The following EIF4G1 variants were observed in gnomAD, a reference collection of about 807,000 sequenced individuals.
The protein encoded by EIF4G1 is eukaryotic translation initiation factor 4 gamma 1.
Under a neutral mutation model 187.8 loss-of-function variants are expected in EIF4G1, and 4 were observed. The ratio of observed to expected loss-of-function variants is 0.02; its 90% CI spans 0.01 to 0.05. The LOEUF is 0.05. Ranked by LOEUF, EIF4G1 falls within the 10% of genes least tolerant of loss-of-function variation. EIF4G1 has a pLI of 1.00. For synonymous variants in EIF4G1, 844 were observed against 781.4 expected, an observed-to-expected ratio of 1.08 and a Z score of -1.34; for missense variants, 1,647 against 2,081.1, an observed-to-expected ratio of 0.79 and a Z score of 4.06.
chr3:184,331,768 T>C lies in EIF4G1; in HGVS notation c.4436T>C (p.Val1479Ala). ...SEQQIVSNTLVRALMTAVCYS... is the reference protein window; with the variant it reads ...SEQQIVSNTLARALMTAVCYS... ...CAGCAGATAGTATCCAACACGTTAG[T>C]TCGAGCCCTCATGACGGCTGTCTGC... is the stretch of plus-strand genomic sequence containing the variant. The change falls in exon 31 of 33, where the codon GTT (valine) becomes GCT (alanine). Residue 1479 changes from valine to alanine, a missense_variant. Physicochemically the swap from Val to Ala is moderately conservative, Grantham distance 64. Transcript: ENST00000346169. The C allele has an allele frequency of 1.9e-6, 3 of 1,614,176 alleles. No individual in the cohort carries two copies. Among genetic ancestry groups the C allele is most frequent in the Non-Finnish European group, 2.5e-6 (3 of 1,180,032 alleles).
chr3:184,335,055 AG>A lies in EIF4G1; in HGVS notation c.*149del. On this transcript the variant is annotated 3_prime_UTR_variant, in exon 33 of 33. Coordinates refer to ENST00000346169, the MANE Select transcript of EIF4G1 (RefSeq NM_198241.3). ...GAACTAATAAAGTGGCTGAAGAGGC[AG>A]GATGGCTTGGGGCTGCCTGGGCCCC... The A allele has an allele frequency of 8.4e-7, 1 of 1,194,754 alleles. No homozygotes were observed. The highest frequency in any genetic ancestry group is 1.2e-6 in the Non-Finnish European group (1 of 847,952). 74.0% of individuals were successfully genotyped at this position (1,194,754 alleles called of 1,614,324 possible).
intron 7 of EIF4G1, chr3:184,320,418 T>G: frequency 6.8e-7 from 1 of 1,470,542 alleles, no homozygotes; most frequent in Non-Finnish European, 9.0e-7. Context: ...AGGGCTGCTC[T>G]GTGAGATCAA....
In EIF4G1 at chr3:184,326,734, C is replaced by T. The variant is rs9836847; in HGVS notation, c.3325+105C>T. 1.7e-3 allele frequency: 2,574 copies of T among 1,484,096 alleles called. 31 individuals are homozygous for T. In the African/African-American group the frequency reaches 0.03, roughly 17 times the overall value. The allele number at this position is 1,484,096 out of a possible 1,614,324, so 91.9% of individuals were successfully genotyped here. A position where few individuals can be genotyped will look rare whatever the true frequency, so the allele number is the denominator to read the frequency against. On this transcript the variant is annotated intron_variant, in intron 22 of 32. Coordinates refer to ENST00000346169, the MANE Select transcript of EIF4G1 (RefSeq NM_198241.3). Reference sequence around the variant, plus strand: ...TTCAGTACAAGGTGGTTAGGCAATGCGGGCAATAGAGGAGGTTTGTGTTGT... The same window carrying T: ...TTCAGTACAAGGTGGTTAGGCAATGTGGGCAATAGAGGAGGTTTGTGTTGT...
chr3:184,325,176 C>T lies in EIF4G1; in HGVS notation c.2856+62C>T. On this transcript the variant is annotated intron_variant, in intron 18 of 32. Transcript: ENST00000346169. This position sits in a 1 kb window ranked among gnomAD's most constrained non-coding sequence, Gnocchi z 5.2. Reference sequence around the variant, plus strand: ...GCATATGTGGGGCTCACTGAGCCCACAATGATGGGGCGGAAGGCCTGAGGA... The same window carrying T: ...GCATATGTGGGGCTCACTGAGCCCATAATGATGGGGCGGAAGGCCTGAGGA... 1.3e-6 allele frequency: 2 copies of T among 1,597,416 alleles called. No individual in the cohort carries two copies. The highest frequency in any genetic ancestry group is 8.6e-7 in the Non-Finnish European group (1 of 1,165,208).
Position 184,317,466 on chromosome 3 carries a change from C to T in EIF4G1, c.293C>T (p.Ala98Val). Residue 98 changes from alanine (A) to valine (V), a missense_variant, in exon 5 of 33, where the codon GCC becomes GTC. This residue lies in a region of EIF4G1 where 139 missense variants were observed against 187.3 expected (regional missense o/e 0.74). Transcript: ENST00000346169. ...ATCCCTTCCCAGATCTCCTACCCAG[C>T]CTCCCAGGGGGCCTACTACATCCCT... is the stretch of plus-strand genomic sequence containing the variant. ...MMIPSQISYP[A>V]SQGAYYIPGQ... 2.5e-6 allele frequency: 4 copies of T among 1,614,054 alleles called. No individual in the cohort carries two copies. The highest frequency in any genetic ancestry group is 3.4e-6 in the Non-Finnish European group (4 of 1,180,006).
In EIF4G1 at chr3:184,328,792, G is replaced by T. The variant is rs549355384; in HGVS notation, c.4079+36G>T. On this transcript the variant is annotated intron_variant, in intron 27 of 32. Coordinates refer to ENST00000346169, the MANE Select transcript of EIF4G1 (RefSeq NM_198241.3). ...CTGGGTGGAATTCAGGGGAGGTAAAGACCAGAGGAAAGGTGGTAGGGAAAT... is the reference window on the plus strand; with the variant it reads ...CTGGGTGGAATTCAGGGGAGGTAAATACCAGAGGAAAGGTGGTAGGGAAAT... 19 of 1,614,156 alleles carry T rather than the reference G, an allele frequency of 1.2e-5. No individual in the cohort carries two copies. The East Asian group carries it at 3.3e-4, about 28-fold the overall frequency.
rs763066737 is a variant in EIF4G1 at position 184,325,503 on chromosome 3, G to A, written c.2985G>A (p.Gly995=). 2.3e-5 allele frequency: 37 copies of A among 1,614,014 alleles called. No individual in the cohort carries two copies. Among genetic ancestry groups the A allele is most frequent in the African/African-American group, 5.3e-5 (4 of 74,894 alleles). ...LRGSNWVPRR[G]DQGPKTIDQI... ...AGAGCAATTGGGTGCCACGCCGAGGGGATCAGGGTCCCAAGACCATTGACC... is the reference window on the plus strand; with the variant it reads ...AGAGCAATTGGGTGCCACGCCGAGGAGATCAGGGTCCCAAGACCATTGACC... The change falls in exon 20 of 33, where the codon GGG becomes GGA. Residue 995 remains glycine, a synonymous_variant. Transcript: ENST00000346169. The surrounding 1 kb of genome is among the most constrained non-coding windows in gnomAD (Gnocchi z 5.2).
intron 7 of EIF4G1, chr3:184,320,332 C>T: frequency 1.5e-6 from 2 of 1,324,814 alleles, no homozygotes; most frequent in South Asian, 1.5e-5. Context: ...GGGTCCTGGG[C>T]CCCAGGGTGT....
At chr3:184,317,205 G>C in intron 4 of EIF4G1, 116 bp from the exon 5 acceptor site, 2 of 1,235,594 alleles carry the variant, frequency 1.6e-6, no homozygotes, top group East Asian at 4.6e-5. Flanking sequence ...AGGATTGGTC[G>C]CCATGTTCTG....
chr3:184,330,309 G>T (rs111468026), intron 28 of EIF4G1, among the ~76,000 whole-genome samples: 1 of 152,116 alleles, frequency 6.6e-6, no homozygotes, highest in African/African-American at 2.4e-5. Context: ...AACCCAGGAG[G>T]GGGAGGTTGC....
In EIF4G1 at chr3:184,327,630, G is replaced by C. The variant is rs1181504625; in HGVS notation, c.3706G>C (p.Ala1236Pro). 2.5e-6 allele frequency: 4 copies of C among 1,614,076 alleles called. No individual in the cohort carries two copies. The African/African-American group carries it at 5.3e-5, about 22-fold the overall frequency. The change falls in exon 25 of 33, where the codon GCT becomes CCT. Residue 1236 changes from alanine to proline, a missense_variant. Ala to Pro is a conservative substitution (Grantham distance 27). This residue lies in a region of EIF4G1 where 543 missense variants were observed against 638.0 expected (regional missense o/e 0.85). Coordinates refer to ENST00000346169, the MANE Select transcript of EIF4G1 (RefSeq NM_198241.3). ...ALPPVSPLKA[A>P]LSEEELEKKS... ...ACCCCCAGTGAGCCCCCTGAAGGCGGCTCTCTCTGAGGAGGAGTTAGAGAA... is the reference window on the plus strand; with the variant it reads ...ACCCCCAGTGAGCCCCCTGAAGGCGCCTCTCTCTGAGGAGGAGTTAGAGAA...
chr3:184,325,782 G>C lies in EIF4G1; in HGVS notation c.3122-69G>C. 1.2e-6 allele frequency: 2 copies of C among 1,611,928 alleles called. No homozygotes were observed. Among genetic ancestry groups the C allele is most frequent in the Middle Eastern group, 1.7e-4 (1 of 6,054 alleles). The stretch of plus-strand genomic sequence containing the variant: ...TGAGGATCTGAGGAAGGGAGGCTGG[G>C]GGTGGCCCAAGGGGAAGGGGCTGCT... On this transcript the variant is annotated intron_variant, in intron 20 of 32. Coordinates refer to ENST00000346169, the MANE Select transcript of EIF4G1 (RefSeq NM_198241.3). This position sits in a 1 kb window ranked among gnomAD's most constrained non-coding sequence, Gnocchi z 5.2.
chr3:184,322,421 G>A lies in EIF4G1; in HGVS notation c.1579G>A (p.Val527Ile). The A allele has an allele frequency of 1.2e-6, 2 of 1,614,228 alleles. No individual in the cohort carries two copies. Among genetic ancestry groups the A allele is most frequent in the Non-Finnish European group, 8.5e-7 (1 of 1,180,042 alleles). ...TAAGGAGCTAAATAAGAAGGAGGCTGTTGGAGACCTTCTGGATGCCTTCAA... is the reference window on the plus strand; with the variant it reads ...TAAGGAGCTAAATAAGAAGGAGGCTATTGGAGACCTTCTGGATGCCTTCAA... ...KIKELNKKEA[V>I]GDLLDAFKEA... Residue 527 changes from valine to isoleucine, a missense_variant, in exon 11 of 33, where the codon GTT (valine) becomes ATT (isoleucine). Physicochemically the swap from Val to Ile is conservative, Grantham distance 29. Around this residue, in one of 11 missense-constraint regions of EIF4G1, gnomAD observed 522 missense variants for 485.2 expected, o/e 1.08. Transcript: ENST00000346169.
At position 184,330,690 on chromosome 3, in the gene EIF4G1, C is replaced by T. The variant is rs116507678; in HGVS notation, c.4162-576C>T. Reference sequence around the variant, plus strand: ...TCCTAGAGGCCCTTACATCATTTTTCCTACCCTAGTGTCATAGCACTTTGG... The same window carrying T: ...TCCTAGAGGCCCTTACATCATTTTTTCTACCCTAGTGTCATAGCACTTTGG... On this transcript the variant is annotated intron_variant, in intron 28 of 32. Transcript: ENST00000346169. Among the ~76,000 whole-genome samples the T allele has an allele frequency of 9.9e-3, 1,508 of 152,158 alleles. 22 individuals carry two copies. The highest frequency in any genetic ancestry group is 0.035 in the African/African-American group (1,438 of 41,532).
intron 3 of EIF4G1, 127 bp downstream of exon 3, chr3:184,315,983 C>T (rs1722706794): frequency 1.3e-6 from 2 of 1,522,502 alleles, no homozygotes; most frequent in African/African-American, 2.8e-5. Context: ...GAGACAGGGC[C>T]CCTGGGCTGT....
chr3:184,323,618 C>T lies in EIF4G1; in HGVS notation c.2274+25C>T, dbSNP rs1441733954. ...GGTACTGGCAAGTCCTGCTTTTGGT[C>T]TCTCTCCATTTCTTCTCCAGGTCTG... On this transcript the variant is annotated intron_variant, in intron 15 of 32. Transcript: ENST00000346169. This position sits in a 1 kb window ranked among gnomAD's most constrained non-coding sequence, Gnocchi z 6.9. The T allele has an allele frequency of 1.9e-6, 3 of 1,613,520 alleles. No homozygotes were observed. The highest frequency in any genetic ancestry group is 1.1e-5 in the South Asian group (1 of 91,038).
Position 184,321,790 on chromosome 3 carries a change from A to G in EIF4G1, c.1206A>G (p.Glu402=), listed in dbSNP as rs756813803. 2.5e-5 allele frequency: 40 copies of G among 1,612,280 alleles called. No individual in the cohort carries two copies. Among genetic ancestry groups the G allele is most frequent in the Admixed American group, 1.7e-4 (10 of 59,950 alleles). ...TTGCTCCAACTGCCCAACCTGAGGA[A>G]CTGCTCAACGGAGCCCCCTCGCCAC... ...VPIAPTAQPE[E]LLNGAPSPPA... is the part of the protein sequence containing the mutation. The change falls in exon 10 of 33, where the codon GAA becomes GAG. Residue 402 remains glutamate (E), a synonymous_variant. Coordinates refer to ENST00000346169, the MANE Select transcript of EIF4G1 (RefSeq NM_198241.3).
intron 22 of EIF4G1, 26 bp downstream of exon 22, chr3:184,326,655 G>T (rs1048454418): frequency 6.2e-7 from 1 of 1,605,378 alleles, no homozygotes; most frequent in Non-Finnish European, 8.5e-7. Flanking sequence ...CAGGAGCTGG[G>T]TGGTTACCCG....
At position 184,322,852 on chromosome 3, in the gene EIF4G1, A is replaced by G; in HGVS notation, c.1827A>G (p.Lys609=). Residue 609 remains lysine, a synonymous_variant, in exon 13 of 33, where the codon AAA becomes AAG. Coordinates refer to ENST00000346169, the MANE Select transcript of EIF4G1 (RefSeq NM_198241.3). ...DQWKPLNLEE[K]KRYDREFLLG... ...GGAAGCCTCTAAACCTAGAGGAGAA[A>G]AAACGTTACGACCGTGAGTTCCTGC... The G allele has an allele frequency of 1.2e-6, 2 of 1,614,176 alleles. No homozygotes were observed. The highest frequency in any genetic ancestry group is 4.5e-5 in the East Asian group (2 of 44,886).
Sources: allele counts gnomAD v4.1 joint callset (sites outside exome capture counted in the v4.1 genomes callset), GRCh38; gene constraint gnomAD v4.1.1; regional missense constraint gnomAD v4.1.1; non-coding constraint Gnocchi (gnomAD v3.1); transcripts MANE v1.5; gene names NCBI Gene and HGNC (gene_info 2026-07-23, HGNC 2026-07-21).